NBEA: variants seen among roughly 807,000 people sequenced by gnomAD.
NBEA encodes neurobeachin.
Under a neutral mutation model 343.4 loss-of-function variants are expected in NBEA, and 44 were observed. The observed-to-expected ratio is 0.13, with a 90% CI of 0.10 to 0.16. The LOEUF is 0.16. NBEA is among the 10% of genes least tolerant of loss of function. The pLI, the probability that NBEA is intolerant of heterozygous loss-of-function variation, is 1.00. For missense variants in NBEA, 2,555 were observed against 3,631.3 expected, an observed-to-expected ratio of 0.70 and a Z score of 7.62; for synonymous variants, 1,175 against 1,238.7, an observed-to-expected ratio of 0.95 and a Z score of 1.08.
intron 51 of NBEA, among the ~76,000 whole-genome samples, chr13:35,647,782 G>C (rs2084307232): frequency 6.6e-6 from 1 of 152,138 alleles, no homozygotes; most frequent in Non-Finnish European, 1.5e-5. Context: ...GGTCAGGCTA[G>C]TCTCAAACTC....
chr13:35,127,590 A>G (rs899867711), intron 17 of NBEA, among the ~76,000 whole-genome samples: 1 of 152,234 alleles, frequency 6.6e-6, no homozygotes, highest in African/African-American at 2.4e-5. Context: ...ATGTAAGTGG[A>G]CAGATGAAAT....
chr13:35,350,728 ATGTGTGTGTG>A (rs34088295), intron 37 of NBEA, among the ~76,000 whole-genome samples: 8,781 of 137,882 alleles, frequency 0.064, 297 homozygotes, highest in Non-Finnish European at 0.075. Context: ...AGAGCTATTG[ATGTGTGTGTG>A]TGTGTGTGTG....
In NBEA at chr13:35,157,071, T is replaced by G. The variant is rs2152709001; in HGVS notation, c.2652-7T>G. 6.6e-7 allele frequency: 1 copy of G among 1,515,596 alleles called. No individual in the cohort carries two copies. Among genetic ancestry groups the G allele is most frequent in the East Asian group, 2.3e-5 (1 of 42,768 alleles). The allele number at this position is 1,515,596 out of a possible 1,614,324, so 93.9% of individuals were successfully genotyped here. A position where few individuals can be genotyped will look rare whatever the true frequency, so the allele number is the denominator to read the frequency against. On this transcript the variant is annotated splice_polypyrimidine_tract_variant and splice_region_variant and intron_variant, in intron 20 of 58. Coordinates refer to ENST00000379939, the MANE Select transcript of NBEA (RefSeq NM_001385012.1). ...TTTTTAATGAGATCAAATTTTTTTC[T>G]CCCTAGATGCTTATTGCAGTGTTCA...
chr13:35,041,723 A>C (rs1217827465), intron 2 of NBEA, among the ~76,000 whole-genome samples: 1 of 151,924 alleles, frequency 6.6e-6, no homozygotes, highest in Non-Finnish European at 1.5e-5. Flanking sequence ...AAAAATACTA[A>C]TGTTTTGCTT....
chr13:34,954,442 G>A, intron 1 of NBEA, among the ~76,000 whole-genome samples: 1 of 152,232 alleles, frequency 6.6e-6, no homozygotes, highest in South Asian at 2.1e-4. Context: ...CTCATCTTTG[G>A]TATAGTTAGT....
At chr13:34,997,879 C>T (rs1256931904) in intron 1 of NBEA, among the ~76,000 whole-genome samples, 1 of 152,092 alleles carries the variant, frequency 6.6e-6, no homozygotes, top group Non-Finnish European at 1.5e-5. Context: ...TGCTTAGTGA[C>T]AATTTTTACA....
intron 8 of NBEA, among the ~76,000 whole-genome samples, chr13:35,065,459 G>C (rs544433126): frequency 6.6e-6 from 1 of 151,780 alleles, no homozygotes; most frequent in Admixed American, 6.6e-5. Flanking sequence ...AATTTCTCAG[G>C]TATGTGGTGT....
chr13:35,415,823 G>A (rs1287863122), intron 38 of NBEA, among the ~76,000 whole-genome samples: 8 of 152,108 alleles, frequency 5.3e-5, no homozygotes, highest in Non-Finnish European at 1.2e-4. Context: ...ATTACCTTGG[G>A]CAGTATGGCC....
At chr13:35,622,335 G>T (rs1265103370) in intron 48 of NBEA, among the ~76,000 whole-genome samples, 2 of 152,138 alleles carry the variant, frequency 1.3e-5, no homozygotes, top group Non-Finnish European at 2.9e-5. Context: ...GCTGGGAGGA[G>T]CAGTGGCAGC....
chr13:35,429,809 G>GTGTGTGTGTA (rs1345107311), intron 38 of NBEA, among the ~76,000 whole-genome samples: 58 of 142,740 alleles, frequency 4.1e-4, no homozygotes, highest in African/African-American at 1.4e-3. Context: ...ACGTGTGTGT[G>GTGTGTGTGTA]TGTGTGTGTG....
chr13:35,189,317 C>A (rs2071997048), intron 30 of NBEA, among the ~76,000 whole-genome samples: 1 of 151,944 alleles, frequency 6.6e-6, no homozygotes, highest in Non-Finnish European at 1.5e-5. Flanking sequence ...TTTTTATATA[C>A]CTGTTAGCTG....
At chr13:35,628,727 G>A (rs2083330725) in intron 49 of NBEA, among the ~76,000 whole-genome samples, 1 of 152,126 alleles carries the variant, frequency 6.6e-6, no homozygotes, top group African/African-American at 2.4e-5. Context: ...AGACCAGCCT[G>A]GCCAATATGC....
At chr13:35,590,637 G>A (rs1430374102) in intron 46 of NBEA, among the ~76,000 whole-genome samples, 1 of 152,010 alleles carries the variant, frequency 6.6e-6, no homozygotes, top group Non-Finnish European at 1.5e-5. Context: ...TAAGAAGTAC[G>A]GCTTTGCATG....
chr13:35,283,727 A>G (rs1207801223), intron 34 of NBEA, among the ~76,000 whole-genome samples: 2 of 152,194 alleles, frequency 1.3e-5, no homozygotes, highest in Non-Finnish European at 2.9e-5. Flanking sequence ...TTCACAATAA[A>G]TAGAATAACA....
chr13:35,499,012 G>C (rs887467945), intron 41 of NBEA, among the ~76,000 whole-genome samples: 1 of 151,964 alleles, frequency 6.6e-6, no homozygotes. Flanking sequence ...TTCTGGCCTT[G>C]GTTCTATAAC....
At chr13:35,372,338 A>C (rs1010995872) in intron 38 of NBEA, among the ~76,000 whole-genome samples, 9 of 152,150 alleles carry the variant, frequency 5.9e-5, no homozygotes, top group Admixed American at 6.5e-5. Flanking sequence ...TGGTAGTGGC[A>C]AATTGGGTGG....
intron 34 of NBEA, among the ~76,000 whole-genome samples, chr13:35,253,942 A>G (rs1032661120): frequency 1.3e-5 from 2 of 152,216 alleles, no homozygotes; most frequent in African/African-American, 2.4e-5. Context: ...TCGTGATCCA[A>G]GTTGAATAAA....
At chr13:35,161,213 CT>C (rs1293137795) in intron 22 of NBEA, among the ~76,000 whole-genome samples, 1 of 152,076 alleles carries the variant, frequency 6.6e-6, no homozygotes, top group Non-Finnish European at 1.5e-5. Flanking sequence ...CTAGGCTTGC[CT>C]GTTTTTCATT....
chr13:35,034,946 T>C lies in NBEA; in HGVS notation c.295-5987T>C, dbSNP rs1393594855. On this transcript the variant is annotated intron_variant, in intron 1 of 58. Transcript: ENST00000379939. ...TAGTCTGGCTAAAGATTTGTCAATTTTGTTTAGCTTTTCAAAAAATGAACT... is the reference window on the plus strand; with the variant it reads ...TAGTCTGGCTAAAGATTTGTCAATTCTGTTTAGCTTTTCAAAAAATGAACT... Among the ~76,000 whole-genome samples, 8 of 151,964 alleles carry C rather than the reference T, an allele frequency of 5.3e-5. No individual in the cohort carries two copies. The South Asian group carries it at 6.2e-4, about 12-fold the overall frequency.
Sources: gnomAD v4.1 joint callset for allele counts (sites outside exome capture counted in the v4.1 genomes callset) on GRCh38, gnomAD v4.1.1 for gene constraint, MANE v1.5 for transcripts, NCBI Gene and HGNC (gene_info 2026-07-23, HGNC 2026-07-21) for gene names.